GALNT13: variants seen among roughly 807,000 people sequenced by gnomAD.
GALNT13 encodes polypeptide N-acetylgalactosaminyltransferase 13.
Under a neutral mutation model 64.2 loss-of-function variants are expected in GALNT13, and 28 were observed. The observed-to-expected ratio is 0.44, with a 90% CI of 0.32 to 0.60. The LOEUF (loss-of-function observed/expected upper bound fraction) is 0.60. GALNT13 is among the 20% of genes least tolerant of loss of function. The probability of loss-of-function intolerance (pLI) is 0.05; values close to 1 mark genes in which losing one functional copy is unlikely to be tolerated. For synonymous variants in GALNT13, 214 were observed against 224.6 expected (o/e 0.95, Z 0.42); for missense variants, 577 against 669.8 (o/e 0.86, Z 1.53).
At chr2:153,364,115 T>C in the GALNT13 span, among the ~76,000 whole-genome samples, 1 of 152,278 alleles carries the variant, frequency 6.6e-6, no homozygotes, top group East Asian at 1.9e-4. Context: ...ATCCATCCCA[T>C]AAACTGAACC....
chr2:154,383,489 A>G lies in GALNT13; in HGVS notation c.1157-12502A>G, dbSNP rs1286086835. On this transcript the variant is annotated intron_variant, in intron 9 of 12. Coordinates refer to ENST00000392825, the MANE Select transcript of GALNT13 (RefSeq NM_052917.4). ...ATTTATTTCCTTGGTTTGAGTTAAC[A>G]TGTTCCATAATATAATCTCAGATGC... 2.6e-5 allele frequency among the ~76,000 whole-genome samples: 4 copies of G among 151,988 alleles called. No homozygotes were observed. The East Asian group carries it at 5.8e-4, about 22-fold the overall frequency.
chr2:154,396,165 T>C (rs370915537), intron 10 of GALNT13, 35 bp downstream of exon 10: 3 of 1,470,814 alleles, frequency 2.0e-6, no homozygotes, highest in African/African-American at 2.9e-5. Flanking sequence ...GTTATAAATA[T>C]ATTTTGCAAA....
chr2:154,023,928 G>A (rs1697737753), intron 3 of GALNT13, among the ~76,000 whole-genome samples: 2 of 152,270 alleles, frequency 1.3e-5, no homozygotes, highest in African/African-American at 4.8e-5. Context: ...TGTCTGTAAA[G>A]TATTTTATTT....
chr2:154,263,905 T>G (rs1299240715), intron 8 of GALNT13, among the ~76,000 whole-genome samples: 1 of 152,168 alleles, frequency 6.6e-6, no homozygotes, highest in African/African-American at 2.4e-5. Flanking sequence ...TGAACAGCAG[T>G]CACCCTGAGA....
At chr2:153,142,088 T>G in the GALNT13 span, among the ~76,000 whole-genome samples, 1 of 152,110 alleles carries the variant, frequency 6.6e-6, no homozygotes, top group Non-Finnish European at 1.5e-5. Context: ...CACGAACTGC[T>G]GAATTCTTTG....
At chr2:153,174,292 G>A in the GALNT13 span, among the ~76,000 whole-genome samples, 1 of 152,198 alleles carries the variant, frequency 6.6e-6, no homozygotes, top group Admixed American at 6.5e-5. Context: ...TCTTCCTGTG[G>A]AATCCCAGAA....
the GALNT13 span, among the ~76,000 whole-genome samples, chr2:153,828,208 A>C: frequency 3.3e-5 from 5 of 152,178 alleles, no homozygotes; most frequent in Admixed American, 2.0e-4. Flanking sequence ...TGGGGTCTGG[A>C]GAATGGCGAT....
At chr2:154,037,690 A>C (rs1698740973) in intron 3 of GALNT13, among the ~76,000 whole-genome samples, 1 of 152,220 alleles carries the variant, frequency 6.6e-6, no homozygotes, top group African/African-American at 2.4e-5. Context: ...TATAAAAATC[A>C]TTATCATTCA....
the GALNT13 span, among the ~76,000 whole-genome samples, chr2:153,344,607 C>T: frequency 6.6e-6 from 1 of 152,012 alleles, no homozygotes; most frequent in Non-Finnish European, 1.5e-5. Context: ...CAATGTGTTA[C>T]TGCAAAGAAC....
chr2:154,099,606 G>A (rs898997080), intron 3 of GALNT13, among the ~76,000 whole-genome samples: 2 of 152,016 alleles, frequency 1.3e-5, no homozygotes, highest in Admixed American at 6.6e-5. Flanking sequence ...GTGAGTAACA[G>A]GGGTCAACTT....
the GALNT13 span, among the ~76,000 whole-genome samples, chr2:153,447,461 G>A: frequency 3.3e-5 from 5 of 152,102 alleles, no homozygotes; most frequent in Non-Finnish European, 7.4e-5. Context: ...CTACAAAGAA[G>A]GGGAAAAATA....
chr2:153,711,841 G>A, the GALNT13 span, among the ~76,000 whole-genome samples: 2 of 152,120 alleles, frequency 1.3e-5, no homozygotes, highest in African/African-American at 2.4e-5. Flanking sequence ...TATGCTGGCT[G>A]TTAAAGGCAT....
chr2:153,099,450 A>G, the GALNT13 span, among the ~76,000 whole-genome samples: 2 of 152,310 alleles, frequency 1.3e-5, no homozygotes, highest in East Asian at 3.9e-4. Flanking sequence ...TACAATATTG[A>G]TATATTGATA....
intron 3 of GALNT13, among the ~76,000 whole-genome samples, chr2:153,962,784 C>A (rs1353852839): frequency 3.3e-5 from 5 of 152,104 alleles, no homozygotes; most frequent in Non-Finnish European, 1.5e-5. Flanking sequence ...GTCCCTCATA[C>A]CTCTAGGCAG....
chr2:154,364,172 C>A (rs1471333362), intron 9 of GALNT13, among the ~76,000 whole-genome samples: 1 of 151,986 alleles, frequency 6.6e-6, no homozygotes, highest in Non-Finnish European at 1.5e-5. Flanking sequence ...GGTATTGAGA[C>A]AAGGAAATAA....
At chr2:153,746,012 T>C in the GALNT13 span, among the ~76,000 whole-genome samples, 3 of 152,310 alleles carry the variant, frequency 2.0e-5, no homozygotes, top group Admixed American at 6.5e-5. Context: ...CAGAATGCAA[T>C]AGAAAGTACG....
chr2:153,445,953 G>A, the GALNT13 span, among the ~76,000 whole-genome samples: 1 of 151,694 alleles, frequency 6.6e-6, no homozygotes, highest in East Asian at 1.9e-4. Flanking sequence ...TTGTTTCTAA[G>A]GTTTTTCTTT....
At chr2:154,206,181 A>G (rs1445735395) in intron 4 of GALNT13, among the ~76,000 whole-genome samples, 1 of 150,950 alleles carries the variant, frequency 6.6e-6, no homozygotes, top group Non-Finnish European at 1.5e-5. Flanking sequence ...TATTTTTTTT[A>G]TAGTAGAGAC....
intron 9 of GALNT13, among the ~76,000 whole-genome samples, chr2:154,378,077 G>T (rs2105325820): frequency 6.6e-6 from 1 of 152,044 alleles, no homozygotes; most frequent in South Asian, 2.1e-4. Flanking sequence ...CATATACGCT[G>T]CTCAGATTTC....
Sources: gnomAD v4.1 joint callset for allele counts (sites outside exome capture counted in the v4.1 genomes callset) on GRCh38, gnomAD v4.1.1 for gene constraint, MANE v1.5 for transcripts, NCBI Gene and HGNC (gene_info 2026-07-23, HGNC 2026-07-21) for gene names.